Variants in UMAD1 observed in about 807,000 individuals in gnomAD.
UMAD1 encodes UBAP1-MVB12-associated (UMA)-domain containing protein 1.
Under a neutral mutation model 6.1 loss-of-function variants are expected in UMAD1, and 8 were observed. The ratio of observed to expected loss-of-function variants is 1.30; its 90% CI spans 0.76 to 2.35. UMAD1 has a LOEUF of 2.35. UMAD1 is among the 30% of genes most tolerant of loss of function. The pLI, the probability that UMAD1 is intolerant of heterozygous loss-of-function variation, is 0.00. For missense variants in UMAD1, 130 were observed against 78.4 expected (o/e 1.66, Z -2.49); for synonymous variants, 56 against 31.4 (o/e 1.78, Z -2.61).
intron 2 of UMAD1, among the ~76,000 whole-genome samples, chr7:7,715,392 C>G (rs1368785905): frequency 6.6e-6 from 1 of 152,168 alleles, no homozygotes; most frequent in African/African-American, 2.4e-5. Flanking sequence ...TTTCCCAAAT[C>G]TGAAACTCAA....
intron 2 of UMAD1, among the ~76,000 whole-genome samples, chr7:7,775,042 C>A (rs561648157): frequency 5.1e-4 from 77 of 152,282 alleles, no homozygotes; most frequent in African/African-American, 1.8e-3. Flanking sequence ...AGCCAAGAAA[C>A]CCTCTTTAAG....
At chr7:7,696,271 G>T (rs1780314348) in intron 2 of UMAD1, among the ~76,000 whole-genome samples, 1 of 150,462 alleles carries the variant, frequency 6.6e-6, no homozygotes, top group African/African-American at 2.4e-5. Context: ...CACTCTTTTA[G>T]CCAAAGTTGG....
chr7:7,864,412 G>T (rs989111689), intron 3 of UMAD1, among the ~76,000 whole-genome samples: 1 of 152,042 alleles, frequency 6.6e-6, no homozygotes, highest in African/African-American at 2.4e-5. Context: ...CAGCAGCTCA[G>T]GGTGTGAGGG....
chr7:7,822,091 G>A (rs1273739434), intron 3 of UMAD1, among the ~76,000 whole-genome samples: 1 of 152,066 alleles, frequency 6.6e-6, no homozygotes, highest in South Asian at 2.1e-4. Context: ...TGGAAAGCAA[G>A]CATTTATTAA....
At chr7:7,728,707 T>C (rs1781190801) in intron 2 of UMAD1, among the ~76,000 whole-genome samples, 1 of 152,118 alleles carries the variant, frequency 6.6e-6, no homozygotes, top group African/African-American at 2.4e-5. Context: ...TAGCCATATC[T>C]GCTACACAGG....
chr7:7,738,308 T>A lies in UMAD1; in HGVS notation c.83-63362T>A, dbSNP rs7796096. ...ACAGAGGCTTGTTCTGCCTATGCCCTTAGTGCCAAAACATAAATCATTGCT... is the reference window on the plus strand; with the variant it reads ...ACAGAGGCTTGTTCTGCCTATGCCCATAGTGCCAAAACATAAATCATTGCT... On this transcript the variant is annotated intron_variant, in intron 2 of 3. Coordinates refer to ENST00000682710, the MANE Select transcript of UMAD1 (RefSeq NM_001302348.2). Among the ~76,000 whole-genome samples, 4 of 152,000 alleles carry A rather than the reference T, an allele frequency of 2.6e-5. 1 individual carries two copies. The South Asian group carries it at 6.2e-4, about 24-fold the overall frequency.
intron 2 of UMAD1, among the ~76,000 whole-genome samples, chr7:7,743,135 GT>G (rs1281647880): frequency 6.6e-6 from 1 of 152,012 alleles, no homozygotes; most frequent in Admixed American, 6.5e-5. Flanking sequence ...TCTAAAATTG[GT>G]TTAGAAACAA....
chr7:7,778,275 T>TGTGTGTGTGTGTGTGTGAGA (rs1271237125), intron 2 of UMAD1, among the ~76,000 whole-genome samples: 11 of 110,584 alleles, frequency 9.9e-5, no homozygotes, highest in Non-Finnish European at 2.0e-4. Flanking sequence ...TGTGTGTGTG[T>TGTGTGTGTGTGTGTGTGAGA]GAGAGAGAGA....
intron 2 of UMAD1, among the ~76,000 whole-genome samples, chr7:7,793,595 A>G (rs575275967): frequency 1.3e-5 from 2 of 152,234 alleles, no homozygotes; most frequent in South Asian, 2.1e-4. Context: ...TTTCTTCTTT[A>G]TAGATTATCA....
intron 3 of UMAD1, among the ~76,000 whole-genome samples, chr7:7,872,265 T>C (rs1310144592): frequency 2.0e-5 from 3 of 152,162 alleles, no homozygotes; most frequent in African/African-American, 7.2e-5. Flanking sequence ...CATATAAAAG[T>C]TATGCTTACA....
chr7:7,859,665 G>T lies in UMAD1; in HGVS notation c.157-17616G>T, dbSNP rs567769223. Among the ~76,000 whole-genome samples the T allele has an allele frequency of 4.6e-5, 7 of 152,190 alleles. No homozygotes were observed. The East Asian group carries it at 9.6e-4, about 21-fold the overall frequency. On this transcript the variant is annotated intron_variant, in intron 3 of 3. Coordinates refer to ENST00000682710, the MANE Select transcript of UMAD1 (RefSeq NM_001302348.2). ...GTCACACGGTTTAGGTAGAGGCAGG[G>T]GTCATTGAGACTTGAGACCAGTGCT...
intron 2 of UMAD1, among the ~76,000 whole-genome samples, chr7:7,788,882 A>G (rs1447308336): frequency 6.6e-6 from 1 of 152,236 alleles, no homozygotes; most frequent in African/African-American, 2.4e-5. Context: ...GCTCTAGATC[A>G]TTAAAGGTTA....
At chr7:7,770,212 C>T (rs779232874) in intron 2 of UMAD1, among the ~76,000 whole-genome samples, 3 of 152,086 alleles carry the variant, frequency 2.0e-5, no homozygotes, top group Non-Finnish European at 4.4e-5. Context: ...GCCTCCCCTC[C>T]GTATTCAAAC....
At chr7:7,827,139 A>ATGTGTGTGTGTGTG (rs1262642122) in intron 3 of UMAD1, among the ~76,000 whole-genome samples, 6 of 133,980 alleles carry the variant, frequency 4.5e-5, no homozygotes, top group African/African-American at 8.7e-5. Context: ...ATATATATAT[A>ATGTGTGTGTGTGTG]TATATATATG....
At chr7:7,650,075 A>G (rs1785190246) in intron 1 of UMAD1, among the ~76,000 whole-genome samples, 1 of 152,250 alleles carries the variant, frequency 6.6e-6, no homozygotes, top group South Asian at 2.1e-4. Flanking sequence ...AGAAGCATGC[A>G]TATTAATCTT....
At chr7:7,649,604 A>C (rs1416832865) in intron 1 of UMAD1, among the ~76,000 whole-genome samples, 4 of 151,536 alleles carry the variant, frequency 2.6e-5, no homozygotes, top group African/African-American at 9.7e-5. Flanking sequence ...CTTCTTTTGC[A>C]TTGATTTTTT....
chr7:7,773,067 T>C (rs1173061950), intron 2 of UMAD1, among the ~76,000 whole-genome samples: 1 of 152,252 alleles, frequency 6.6e-6, no homozygotes, highest in African/African-American at 2.4e-5. Flanking sequence ...ATTGCTTGTT[T>C]TTGTAACAAG....
chr7:7,814,073 T>C lies in UMAD1; in HGVS notation c.156+12330T>C, dbSNP rs182793707. ...ATCTCGGCTCACTGCAACTTCCGCC[T>C]CCCAGGTTCAAGCGATTCTCCTGCT... On this transcript the variant is annotated intron_variant, in intron 3 of 3. Coordinates refer to ENST00000682710, the MANE Select transcript of UMAD1 (RefSeq NM_001302348.2). Among the ~76,000 whole-genome samples, 326 of 152,140 alleles carry C rather than the reference T, an allele frequency of 2.1e-3. 2 individuals carry two copies. Among genetic ancestry groups the C allele is most frequent in the African/African-American group, 7.3e-3 (302 of 41,492 alleles).
rs1430423142 is a variant in UMAD1 at position 7,826,242 on chromosome 7, C to T, written c.156+24499C>T. Among the ~76,000 whole-genome samples, 8 of 152,024 alleles carry T rather than the reference C, an allele frequency of 5.3e-5. No individual in the cohort carries two copies. In the South Asian group the frequency reaches 8.3e-4, roughly 16 times the overall value. ...TTTTTCTTTATCTAGAAATGTCTCA[C>T]GTTAGGCAATTGAGGGCTGATAATA... On this transcript the variant is annotated intron_variant, in intron 3 of 3. Transcript: ENST00000682710.
Sources: allele counts gnomAD v4.1 joint callset (sites outside exome capture counted in the v4.1 genomes callset), GRCh38; gene constraint gnomAD v4.1.1; transcripts MANE v1.5; gene names NCBI Gene and HGNC (gene_info 2026-07-23, HGNC 2026-07-21).